The following RAPGEF3 variants were observed in gnomAD, a reference collection of about 807,000 sequenced individuals.
The protein encoded by RAPGEF3 is 9330170P05Rik.
RAPGEF3 carries 103 observed loss-of-function variants against 129.8 expected under a neutral mutation model. The ratio of observed to expected loss-of-function variants is 0.79; its 90% CI spans 0.68 to 0.93. The LOEUF is 0.93. RAPGEF3 is among the 40% of genes least tolerant of loss of function. The pLI is 0.00. For missense variants in RAPGEF3, 1,117 were observed against 1,207.4 expected, an observed-to-expected ratio of 0.93 and a Z score of 1.11; for synonymous variants, 436 against 482.6, an observed-to-expected ratio of 0.90 and a Z score of 1.26.
At chr12:47,748,993 TA>T (rs1352822328) in intron 10 of RAPGEF3, 62 bp from the exon 11 acceptor site, 2 of 1,329,604 alleles carry the variant, frequency 1.5e-6, no homozygotes, top group Admixed American at 1.7e-5. Flanking sequence ...CCCTCTCATC[TA>T]CCTCCTTCAT....
rs961563379 is a variant in RAPGEF3 at position 47,737,426 on chromosome 12, C to T, written c.*141G>A. On this transcript the variant is annotated 3_prime_UTR_variant, in exon 28 of 28. Transcript: ENST00000449771. ...CAGTCATCACAGGGGATGGCTGCCT[C>T]CACACTGCCTGCTCCAGGGACTCGA... is the stretch of plus-strand genomic sequence containing the variant. 1.4e-6 allele frequency: 1 copy of T among 700,038 alleles called. No homozygotes were observed. Among genetic ancestry groups the T allele is most frequent in the African/African-American group, 1.8e-5 (1 of 55,848 alleles). 43.4% of individuals were successfully genotyped at this position (700,038 alleles called of 1,614,324 possible).
In RAPGEF3 at chr12:47,736,993, C is replaced by A. The variant is rs1185457881; in HGVS notation, c.*574G>T. 1 of 152,858 alleles carries A rather than the reference C, an allele frequency of 6.5e-6. No homozygotes were observed. Among genetic ancestry groups the A allele is most frequent in the African/African-American group, 2.4e-5 (1 of 41,484 alleles). The allele number at this position is 152,858 out of a possible 1,614,324, so 9.5% of individuals were successfully genotyped here. A position where few individuals can be genotyped will look rare whatever the true frequency, so the allele number is the denominator to read the frequency against. On this transcript the variant is annotated 3_prime_UTR_variant, in exon 28 of 28. Transcript: ENST00000449771. Reference sequence around the variant, plus strand: ...CCTCAGCCTCCCTGCCACGCCCACTCTGGGCTGGCCTGGAACATACTACTA... The same window carrying A: ...CCTCAGCCTCCCTGCCACGCCCACTATGGGCTGGCCTGGAACATACTACTA...
At chr12:47,738,369 A>T in intron 25 of RAPGEF3, 122 bp from the exon 26 acceptor site, 1 of 1,314,920 alleles carries the variant, frequency 7.6e-7, no homozygotes, top group Non-Finnish European at 1.1e-6. Context: ...ATCCTTGGTT[A>T]TGTGGCATCA....
Position 47,744,218 on chromosome 12 carries a change from GCT to G in RAPGEF3, c.1597-152_1597-151del, listed in dbSNP as rs1245195082. On this transcript the variant is annotated intron_variant, in intron 16 of 27. Coordinates refer to ENST00000449771, the MANE Select transcript of RAPGEF3 (RefSeq NM_001098531.4). ...GGCTCTGCTTGCCACATTCACCTGA[GCT>G]CAGGTAAGGCACCTGGGACCAAGGA... The G allele has an allele frequency of 4.6e-6, 3 of 657,218 alleles. No homozygotes were observed. The African/African-American group carries it at 5.5e-5, about 12-fold the overall frequency. 40.7% of individuals were successfully genotyped at this position (657,218 alleles called of 1,614,324 possible).
At chr12:47,757,371 C>G (rs544795981) in intron 2 of RAPGEF3, among the ~76,000 whole-genome samples, 1 of 152,102 alleles carries the variant, frequency 6.6e-6, no homozygotes, top group Non-Finnish European at 1.5e-5. Context: ...CCTGAGCCCC[C>G]CAAAGGCAGG....
intron 17 of RAPGEF3, 49 bp from the exon 18 acceptor site, chr12:47,743,725 C>G (rs1941280688): frequency 6.3e-7 from 1 of 1,584,516 alleles, no homozygotes; most frequent in African/African-American, 1.3e-5. Context: ...CTGATCTCCA[C>G]CCCAGGAGGG....
chr12:47,740,600 G>A (rs1356463406), intron 21 of RAPGEF3, 42 bp downstream of exon 21: 15 of 1,482,110 alleles, frequency 1.0e-5, no homozygotes, highest in African/African-American at 2.3e-5. Context: ...AAGGTAGCCG[G>A]GGGGACTCTG....
intron 2 of RAPGEF3, among the ~76,000 whole-genome samples, chr12:47,754,277 A>AG (rs1488508708): frequency 6.6e-6 from 1 of 152,196 alleles, no homozygotes; most frequent in Non-Finnish European, 1.5e-5. Flanking sequence ...CAGACAGTAG[A>AG]GGTATTCTGC....
Position 47,751,040 on chromosome 12 carries a change from T to C in RAPGEF3, c.671+8A>G. The C allele has an allele frequency of 6.3e-7, 1 of 1,596,894 alleles. No individual in the cohort carries two copies. Among genetic ancestry groups the C allele is most frequent in the East Asian group, 2.3e-5 (1 of 44,290 alleles). On this transcript the variant is annotated splice_region_variant and intron_variant, in intron 6 of 27. Transcript: ENST00000449771. ...CTGGGGTCACGGGGTGCAGGGATTC[T>C]GACTCACGGCTTTCGAAGTGCCACA...
At chr12:47,744,214 C>G (rs1941310198) in intron 16 of RAPGEF3, 146 bp from the exon 17 acceptor site, 3 of 676,820 alleles carry the variant, frequency 4.4e-6, no homozygotes, top group African/African-American at 3.6e-5. Flanking sequence ...CCACATTCAC[C>G]TGAGCTCAGG....
intron 16 of RAPGEF3, chr12:47,746,307 T>G (rs978908369): frequency 6.6e-6 from 2 of 303,604 alleles, no homozygotes; most frequent in Non-Finnish European, 1.2e-5. Flanking sequence ...GTGAGGCCCC[T>G]GGATTTTATT....
intron 15 of RAPGEF3, 57 bp downstream of exon 15, chr12:47,747,487 G>C: frequency 2.6e-6 from 4 of 1,557,728 alleles, no homozygotes; most frequent in South Asian, 1.1e-5. Flanking sequence ...GTATGCTCTT[G>C]GTCCCCATGG....
At position 47,749,675 on chromosome 12, in the gene RAPGEF3, A is replaced by C. The variant is rs1460128862; in HGVS notation, c.894+66T>G. 2.5e-6 allele frequency: 4 copies of C among 1,603,562 alleles called. No homozygotes were observed. The highest frequency in any genetic ancestry group is 3.4e-6 in the Non-Finnish European group (4 of 1,172,860). On this transcript the variant is annotated intron_variant, in intron 9 of 27. Coordinates refer to ENST00000449771, the MANE Select transcript of RAPGEF3 (RefSeq NM_001098531.4). This position sits in a 1 kb window ranked among gnomAD's most constrained non-coding sequence, Gnocchi z 4.5. ...CAGTAGATCAACAAAGGCACTGCCCATGAGGACATGGACCAGGGAGCAGTT... is the reference window on the plus strand; with the variant it reads ...CAGTAGATCAACAAAGGCACTGCCCCTGAGGACATGGACCAGGGAGCAGTT...
chr12:47,738,148 G>T lies in RAPGEF3; in HGVS notation c.2581+45C>A, dbSNP rs745767382. On this transcript the variant is annotated intron_variant, in intron 26 of 27. Transcript: ENST00000449771. ...AGGGCCACCCTGGAGCCTCACAGAG[G>T]ATGTAGGGTGGGGGACCTCCCACCC... 1.8e-4 allele frequency: 292 copies of T among 1,613,920 alleles called. 1 individual carries two copies. Among genetic ancestry groups the T allele is most frequent in the Non-Finnish European group, 5.1e-5 (60 of 1,179,966 alleles).
At chr12:47,739,258 T>C in intron 23 of RAPGEF3, 28 bp from the exon 24 acceptor site, 1 of 1,548,200 alleles carries the variant, frequency 6.5e-7, no homozygotes, top group Non-Finnish European at 8.9e-7. Context: ...ACTGAGGGGG[T>C]TGCACACACC....
At position 47,735,780 on chromosome 12, in the gene RAPGEF3, CG is replaced by C. The variant is rs1940780517; in HGVS notation, c.*1786del. ...GAGTCTGAAGAACGGTGAAGGGCCA[CG>C]GCTGGCTGGCTGGCTTTTGCCGAGA... On this transcript the variant is annotated 3_prime_UTR_variant, in exon 28 of 28. Transcript: ENST00000449771. 1 of 152,420 alleles carries C rather than the reference CG, an allele frequency of 6.6e-6. No individual in the cohort carries two copies. Among genetic ancestry groups the C allele is most frequent in the Admixed American group, 6.5e-5 (1 of 15,284 alleles). The allele number at this position is 152,420 out of a possible 1,614,324, so 9.4% of individuals were successfully genotyped here.
At chr12:47,755,016 T>C (rs948325788) in intron 2 of RAPGEF3, among the ~76,000 whole-genome samples, 1 of 152,158 alleles carries the variant, frequency 6.6e-6, no homozygotes, top group East Asian at 1.9e-4. Context: ...CCTTGGGCCA[T>C]AGCTAAGGTG....
At position 47,740,672 on chromosome 12, in the gene RAPGEF3, A is replaced by C. The variant is rs774728172; in HGVS notation, c.2201T>G (p.Leu734Arg). 45 of 1,613,700 alleles carry C rather than the reference A, an allele frequency of 2.8e-5. No individual in the cohort carries two copies. Among genetic ancestry groups the C allele is most frequent in the Non-Finnish European group, 3.6e-5 (43 of 1,179,966 alleles). The change falls in exon 21 of 28, where the codon CTG (leucine) becomes CGG (arginine). Residue 734 changes from leucine to arginine, a missense_variant. Coordinates refer to ENST00000449771, the MANE Select transcript of RAPGEF3 (RefSeq NM_001098531.4). ...LCPVPGPRAQ[L>R]LRKFIKLAAH... The stretch of plus-strand genomic sequence containing the variant: ...CGCCAGCTTAATGAACTTCCTGAGC[A>C]GCTGGGCCCGGGGGCCGGGCACGGG...
At position 47,737,605 on chromosome 12, in the gene RAPGEF3, G is replaced by A. The variant is rs202032840; in HGVS notation, c.2734C>T (p.Arg912Trp). 55 of 1,604,776 alleles carry A rather than the reference G, an allele frequency of 3.4e-5. 2 individuals carry two copies. The South Asian group carries it at 4.3e-4, about 12-fold the overall frequency. The change falls in exon 28 of 28, where the codon CGG becomes TGG. Residue 912 changes from arginine to tryptophan, a missense_variant. Coordinates refer to ENST00000449771, the MANE Select transcript of RAPGEF3 (RefSeq NM_001098531.4). The part of the protein sequence containing the change: ...VQQLKVIDNQ[R>W]ELSRLSRELE... ...TCTCGGGAGAGGCGGGAGAGTTCCC[G>A]CTGGTTGTCAATGACCTTCAGCTGC... is the stretch of plus-strand genomic sequence containing the variant.
Sources: gnomAD v4.1 joint callset for allele counts (sites outside exome capture counted in the v4.1 genomes callset) on GRCh38, gnomAD v4.1.1 for gene constraint, Gnocchi (gnomAD v3.1) non-coding constraint, MANE v1.5 for transcripts, NCBI Gene and HGNC (gene_info 2026-07-23, HGNC 2026-07-21) for gene names.